SPTA1: variants seen among roughly 807,000 people sequenced by gnomAD.
The protein encoded by SPTA1 is spectrin alpha chain, erythrocytic 1.
SPTA1 carries 177 observed loss-of-function variants against 324.7 expected under a neutral mutation model. The ratio of observed to expected loss-of-function variants is 0.55; its 90% confidence interval spans 0.48 to 0.62. The LOEUF (loss-of-function observed/expected upper bound fraction) is 0.62, where lower values mean the gene tolerates loss of function less well. Among genes scored for constraint, SPTA1 ranks in the 20% least tolerant of loss-of-function variants. The pLI, the probability that SPTA1 is intolerant of heterozygous loss-of-function variation, is 0.00. For missense variants in SPTA1, 3,162 were observed against 2,883.6 expected (o/e 1.10, Z -2.21); for synonymous variants, 1,195 against 1,041.3 (o/e 1.15, Z -2.84).
chr1:158,664,445 G>T (rs7516152), intron 16 of SPTA1, among the ~76,000 whole-genome samples: 1 of 152,118 alleles, frequency 6.6e-6, no homozygotes, highest in South Asian at 2.1e-4. Flanking sequence ...GCCAAACACC[G>T]CATGTTCTCA....
chr1:158,686,688 C>T lies in SPTA1; in HGVS notation c.-171G>A. The T allele has an allele frequency of 3.4e-6, 2 of 583,126 alleles. No individual in the cohort carries two copies. The highest frequency in any genetic ancestry group is 5.7e-5 in the East Asian group (2 of 35,174). The allele number at this position is 583,126 out of a possible 1,614,324, so 36.1% of individuals were successfully genotyped here. On this transcript the variant is annotated 5_prime_UTR_variant, in exon 1 of 52. Coordinates refer to ENST00000643759, the MANE Select transcript of SPTA1 (RefSeq NM_003126.4). Reference sequence around the variant, plus strand: ...TGGTCCTAGAATCCCATCAGCCATACACAATCGACATTATCTTTAGAAGAC... The same window carrying T: ...TGGTCCTAGAATCCCATCAGCCATATACAATCGACATTATCTTTAGAAGAC...
chr1:158,653,045 G>A (rs942857638), intron 22 of SPTA1, among the ~76,000 whole-genome samples: 1 of 152,156 alleles, frequency 6.6e-6, no homozygotes, highest in Non-Finnish European at 1.5e-5. Flanking sequence ...AATCAGAAGA[G>A]CTCTGTGAAG....
Position 158,643,257 on chromosome 1 carries a change from T to C in SPTA1, c.4442+65A>G, listed in dbSNP as rs113968061. ...AAGCCAGAGTATTCCCCCATCTCAA[T>C]GCTAGCAAAAAGGTCAGTTTGCTAT... On this transcript the variant is annotated intron_variant, in intron 31 of 51. Coordinates refer to ENST00000643759, the MANE Select transcript of SPTA1 (RefSeq NM_003126.4). 1.8e-3 allele frequency: 2,877 copies of C among 1,568,736 alleles called. 41 individuals are homozygous for C. The African/African-American group carries it at 0.034, about 19-fold the overall frequency.
In SPTA1 at chr1:158,649,704, G is replaced by C. The variant is rs1652275929; in HGVS notation, c.3569+152C>G. ...TGGGAGTATCCTGTTTGTGAAGTGAGAATCATACTACTAAAAAACCTAATT... is the reference window on the plus strand; with the variant it reads ...TGGGAGTATCCTGTTTGTGAAGTGACAATCATACTACTAAAAAACCTAATT... On this transcript the variant is annotated intron_variant, in intron 25 of 51. Transcript: ENST00000643759. 11 of 686,560 alleles carry C rather than the reference G, an allele frequency of 1.6e-5. No individual in the cohort carries two copies. The Admixed American group carries it at 2.6e-4, about 16-fold the overall frequency. The allele number at this position is 686,560 out of a possible 1,614,324, so 42.5% of individuals were successfully genotyped here.
rs572009824 is a variant in SPTA1 at position 158,636,730 on chromosome 1, A to T, written c.5221T>A (p.Tyr1741Asn). The change falls in exon 37 of 52, where the codon TAT becomes AAT. Residue 1741 changes from tyrosine (Y) to asparagine (N), a missense_variant. By Grantham distance (143) the Tyr-to-Asn change is moderately radical (BLOSUM62 -2). Transcript: ENST00000643759. The part of the protein sequence containing the change: ...EKLIRVSSQD[Y>N]GRDLQGVQNL... ...TGAACCCCCTGAAGATCTCTCCCAT[A>T]GTCCTGGGAGCTCACTCGTATCAAC... 1.5e-5 allele frequency: 24 copies of T among 1,614,110 alleles called. No individual in the cohort carries two copies. The highest frequency in any genetic ancestry group is 2.0e-5 in the Non-Finnish European group (24 of 1,179,984).
At chr1:158,616,910 T>C (rs1649590886) in intron 47 of SPTA1, among the ~76,000 whole-genome samples, 1 of 152,184 alleles carries the variant, frequency 6.6e-6, no homozygotes, top group South Asian at 2.1e-4. Context: ...CCTTGTTTTT[T>C]TAATAAAAGC....
At position 158,677,853 on chromosome 1, in the gene SPTA1, G is replaced by A. The variant is rs761792964; in HGVS notation, c.813-19C>T. 6.2e-7 allele frequency: 1 copy of A among 1,613,314 alleles called. No individual in the cohort carries two copies. The highest frequency in any genetic ancestry group is 1.7e-5 in the Admixed American group (1 of 59,952). ...CACATCCCTGCAGTCATTAACAAGAGCTCCAACCAAAGAAGATAGCAAGCA... is the reference window on the plus strand; with the variant it reads ...CACATCCCTGCAGTCATTAACAAGAACTCCAACCAAAGAAGATAGCAAGCA... On this transcript the variant is annotated intron_variant, in intron 6 of 51. Transcript: ENST00000643759.
intron 6 of SPTA1, 135 bp downstream of exon 6, chr1:158,678,266 A>G: frequency 8.2e-7 from 1 of 1,214,936 alleles, no homozygotes; most frequent in Admixed American, 1.7e-5. Flanking sequence ...GCTGTCCCAA[A>G]GGCAAGTACA....
At chr1:158,676,939 A>G (rs959766043) in intron 7 of SPTA1, among the ~76,000 whole-genome samples, 1 of 152,154 alleles carries the variant, frequency 6.6e-6, no homozygotes, top group East Asian at 1.9e-4. Flanking sequence ...ATTAGGGAAA[A>G]AGACCAAAAA....
intron 36 of SPTA1, 46 bp from the exon 37 acceptor site, chr1:158,636,807 A>G: frequency 6.2e-7 from 1 of 1,611,998 alleles, no homozygotes; most frequent in Non-Finnish European, 8.5e-7. Flanking sequence ...TAGACATCTA[A>G]TGTCATCCTA....
Position 158,648,534 on chromosome 1 carries a change from C to G in SPTA1, c.3689G>C (p.Arg1230Thr). ...CTTATCTCCCAGGGGTACGAGGTCCCTTTCAAAGCCCTCATGCCGTCGCTG... is the reference window on the plus strand; with the variant it reads ...CTTATCTCCCAGGGGTACGAGGTCCGTTTCAAAGCCCTCATGCCGTCGCTG... Reference protein sequence around the residue: ...ALQRRHEGFERDLVPLGDKVT... With the variant: ...ALQRRHEGFETDLVPLGDKVT... Residue 1230 changes from arginine (R) to threonine (T), a missense_variant, in exon 26 of 52, where the codon AGG becomes ACG. Transcript: ENST00000643759. The G allele has an allele frequency of 1.2e-6, 2 of 1,613,954 alleles. No homozygotes were observed. The highest frequency in any genetic ancestry group is 1.7e-6 in the Non-Finnish European group (2 of 1,179,938).
At position 158,636,049 on chromosome 1, in the gene SPTA1, C is replaced by T. The variant is rs768687669; in HGVS notation, c.5311-15G>A. On this transcript the variant is annotated splice_polypyrimidine_tract_variant and intron_variant, in intron 37 of 51. Coordinates refer to ENST00000643759, the MANE Select transcript of SPTA1 (RefSeq NM_003126.4). ...TCCAGCACATTCTGAAGAACAACCCCGATACATGTTCCATTACCCCACAAT... is the reference window on the plus strand; with the variant it reads ...TCCAGCACATTCTGAAGAACAACCCTGATACATGTTCCATTACCCCACAAT... 22 of 1,614,068 alleles carry T rather than the reference C, an allele frequency of 1.4e-5. No individual in the cohort carries two copies. The highest frequency in any genetic ancestry group is 1.1e-4 in the South Asian group (10 of 91,080).
chr1:158,667,859 T>C lies in SPTA1; in HGVS notation c.2037A>G (p.Lys679=). 6.2e-7 allele frequency: 1 copy of C among 1,613,872 alleles called. No individual in the cohort carries two copies. ...WEELLEATKQ[K]GTQLHEANQQ... ...TTCACCAAAACCTCTGCTTTTTACC[T>C]TTCTGTTTTGTAGCCTCCAGCAACT... Residue 679 remains lysine (K), a splice_region_variant and synonymous_variant, in exon 15 of 52, where the codon AAA becomes AAG. Coordinates refer to ENST00000643759, the MANE Select transcript of SPTA1 (RefSeq NM_003126.4).
Position 158,652,549 on chromosome 1 carries a change from A to G in SPTA1, c.3293T>C (p.Ile1098Thr), listed in dbSNP as rs1652528179. 3.7e-6 allele frequency: 6 copies of G among 1,614,090 alleles called. No homozygotes were observed. Among genetic ancestry groups the G allele is most frequent in the Middle Eastern group, 3.3e-4 (2 of 6,062 alleles). ...AYEAGDMLEW[I>T]QEKKAENTGV... Reference sequence around the variant, plus strand: ...AGTGTTTTCTGCCTTTTTCTCTTGAATCCATTCCAGCATGTCTCCTGCCTC... The same window carrying G: ...AGTGTTTTCTGCCTTTTTCTCTTGAGTCCATTCCAGCATGTCTCCTGCCTC... Residue 1098 changes from isoleucine to threonine, a missense_variant, in exon 23 of 52, where the codon ATT (isoleucine) becomes ACT (threonine). Coordinates refer to ENST00000643759, the MANE Select transcript of SPTA1 (RefSeq NM_003126.4).
At position 158,642,391 on chromosome 1, in the gene SPTA1, A is replaced by G. The variant is rs763341291; in HGVS notation, c.4737+20T>C. The G allele has an allele frequency of 3.7e-6, 6 of 1,612,398 alleles. No homozygotes were observed. In the African/African-American group the frequency reaches 8.0e-5, roughly 22 times the overall value. On this transcript the variant is annotated intron_variant, in intron 33 of 51. Transcript: ENST00000643759. ...CCTCTTCATGTGACTTTGTAGCCCAAAACTCATCCTGAGCTTTACCTTCAT... is the reference window on the plus strand; with the variant it reads ...CCTCTTCATGTGACTTTGTAGCCCAGAACTCATCCTGAGCTTTACCTTCAT...
rs746386862 is a variant in SPTA1 at position 158,638,194 on chromosome 1, G to A, written c.5028C>T (p.Ser1676=). ...LNTLAEDLLS[S]GTFNVDQIVK... ...CAATCTGATCAACGTTGAAAGTCCC[G>A]CTGGAGAGCAAATCTTCAGCCAATG... is the stretch of plus-strand genomic sequence containing the variant. The change falls in exon 36 of 52, where the codon AGC becomes AGT. Residue 1676 remains serine, a synonymous_variant. Transcript: ENST00000643759. 35 of 1,613,536 alleles carry A rather than the reference G, an allele frequency of 2.2e-5. No individual in the cohort carries two copies. The highest frequency in any genetic ancestry group is 1.6e-4 in the Middle Eastern group (1 of 6,082).
At chr1:158,681,774 C>A in intron 3 of SPTA1, 107 bp from the exon 4 acceptor site, 1 of 1,414,180 alleles carries the variant, frequency 7.1e-7, no homozygotes, top group East Asian at 2.4e-5. Flanking sequence ...CTCTCAGTTA[C>A]TCATGCATTA....
chr1:158,638,381 C>T (rs927564147), intron 35 of SPTA1, 140 bp from the exon 36 acceptor site: 1 of 849,798 alleles, frequency 1.2e-6, no homozygotes, highest in South Asian at 1.5e-5. Flanking sequence ...ATGTGTTATA[C>T]ATGTTAGCAT....
chr1:158,623,748 T>G (rs1414920015), intron 42 of SPTA1, among the ~76,000 whole-genome samples: 1 of 152,242 alleles, frequency 6.6e-6, no homozygotes, highest in African/African-American at 2.4e-5. Context: ...TTACCCAGTC[T>G]TGGGTATGTC....
Sources: gnomAD v4.1 joint callset for allele counts (sites outside exome capture counted in the v4.1 genomes callset) on GRCh38, gnomAD v4.1.1 for gene constraint, MANE v1.5 for transcripts, NCBI Gene and HGNC (gene_info 2026-07-23, HGNC 2026-07-21) for gene names.